Variants in TRNAU1AP observed in about 807,000 individuals in gnomAD.
The protein encoded by TRNAU1AP is tRNA selenocysteine 1 associated protein 1.
A neutral mutation model predicts 43.3 loss-of-function variants in TRNAU1AP; 33 were observed. That is an observed-to-expected ratio of 0.76 (90% CI 0.58 to 1.02). TRNAU1AP has a LOEUF of 1.02. TRNAU1AP is among the 50% of genes least tolerant of loss of function. The pLI is 0.00. For synonymous variants in TRNAU1AP, 143 were observed against 129.1 expected (o/e 1.11, Z -0.73); for missense variants, 290 against 362.7 (o/e 0.80, Z 1.63).
At chr1:28,560,776 A>G in intron 3 of TRNAU1AP, 44 bp downstream of exon 3, 1 of 1,455,690 alleles carries the variant, frequency 6.9e-7, no homozygotes, top group Non-Finnish European at 9.6e-7. Flanking sequence ...TATTATTGTC[A>G]TTGCTTACTA....
intron 8 of TRNAU1AP, chr1:28,574,558 T>C (rs1300053478): frequency 6.6e-6 from 1 of 152,042 alleles, no homozygotes; most frequent in East Asian, 1.9e-4. Flanking sequence ...TGCCCCACCA[T>C]AACTGGCTAT....
intron 1 of TRNAU1AP, chr1:28,553,410 T>A (rs2124180794): frequency 3.2e-6 from 2 of 620,628 alleles, no homozygotes; most frequent in Middle Eastern, 4.2e-4. Flanking sequence ...TGAGGCGCGC[T>A]GTTCTGGGAC....
chr1:28,564,562 CA>C (rs1168279826), intron 4 of TRNAU1AP, 140 bp from the exon 5 acceptor site: 7 of 1,009,030 alleles, frequency 6.9e-6, no homozygotes, highest in Non-Finnish European at 1.0e-5. Context: ...TCTGATGAAA[CA>C]AAGTAGGGGC....
rs567850073 is a variant in TRNAU1AP at position 28,576,371 on chromosome 1, T to C, written c.728-1129T>C. Among the ~76,000 whole-genome samples, 488 of 148,900 alleles carry C rather than the reference T, an allele frequency of 3.3e-3. 2 individuals are homozygous for C. The highest frequency in any genetic ancestry group is 0.012 in the African/African-American group (467 of 40,334). ...TCTTGCTCTGTTGCCCAGGCTGGAG[T>C]GCAATGGCGTGATCTCGGCTCACTG... On this transcript the variant is annotated intron_variant, in intron 8 of 8. Coordinates refer to ENST00000373830, the MANE Select transcript of TRNAU1AP (RefSeq NM_017846.5).
chr1:28,560,403 C>T (rs1217934677), intron 2 of TRNAU1AP, among the ~76,000 whole-genome samples: 5 of 151,876 alleles, frequency 3.3e-5, no homozygotes, highest in Non-Finnish European at 7.4e-5. Flanking sequence ...CCCTCAGTCT[C>T]CCGAGTAAGC....
Position 28,578,544 on chromosome 1 carries a change from T to A in TRNAU1AP, c.*908T>A, listed in dbSNP as rs1665872561. The A allele has an allele frequency of 8.6e-6, 3 of 347,770 alleles. No individual in the cohort carries two copies. The highest frequency in any genetic ancestry group is 4.7e-5 in the South Asian group (2 of 42,322). 21.5% of individuals were successfully genotyped at this position (347,770 alleles called of 1,614,324 possible). A position where few individuals can be genotyped will look rare whatever the true frequency, so the allele number is the denominator to read the frequency against. ...AAAAATACAAACACAAATATACTTTTATTAGTCTTTTTATTCTTCTTTTAT... is the reference window on the plus strand; with the variant it reads ...AAAAATACAAACACAAATATACTTTAATTAGTCTTTTTATTCTTCTTTTAT... On this transcript the variant is annotated 3_prime_UTR_variant, in exon 9 of 9. Transcript: ENST00000373830.
At chr1:28,553,959 A>G in intron 2 of TRNAU1AP, 1 of 439,848 alleles carries the variant, frequency 2.3e-6, no homozygotes, top group Non-Finnish European at 4.2e-6. Context: ...GCACTTTGGG[A>G]GGCTGAGGTG....
rs1665504579 is a variant in TRNAU1AP at position 28,564,956 on chromosome 1, T to C, written c.410+122T>C. 10 of 1,235,738 alleles carry C rather than the reference T, an allele frequency of 8.1e-6. No individual in the cohort carries two copies. The South Asian group carries it at 1.3e-4, about 16-fold the overall frequency. The allele number at this position is 1,235,738 out of a possible 1,614,324, so 76.5% of individuals were successfully genotyped here. On this transcript the variant is annotated intron_variant, in intron 5 of 8. Coordinates refer to ENST00000373830, the MANE Select transcript of TRNAU1AP (RefSeq NM_017846.5). Reference sequence around the variant, plus strand: ...AAGACCACAAGCTCTGGAGCCAAACTGCCTGGTTCAAATCCCAGCTCCAAT... The same window carrying C: ...AAGACCACAAGCTCTGGAGCCAAACCGCCTGGTTCAAATCCCAGCTCCAAT...
chr1:28,559,627 T>A (rs1300969431), intron 2 of TRNAU1AP, among the ~76,000 whole-genome samples: 1 of 151,752 alleles, frequency 6.6e-6, no homozygotes, highest in Non-Finnish European at 1.5e-5. Context: ...GTCATTGCAC[T>A]CCAGCCTGGG....
intron 8 of TRNAU1AP, 34 bp downstream of exon 8, chr1:28,571,934 A>G: frequency 6.3e-7 from 1 of 1,593,854 alleles, no homozygotes; most frequent in South Asian, 1.1e-5. Context: ...TCTGTCAGCC[A>G]TTATCAGGTG....
rs759256223 is a variant in TRNAU1AP at position 28,560,730 on chromosome 1, C to A, written c.223C>A (p.Pro75Thr). Residue 75 changes from proline (P) to threonine (T), a missense_variant and splice_region_variant, in exon 3 of 9, where the codon CCT (proline) becomes ACT (threonine). Pro to Thr is a conservative substitution (Grantham distance 38). Coordinates refer to ENST00000373830, the MANE Select transcript of TRNAU1AP (RefSeq NM_017846.5). ...TGGGAAACCCCTTCCAGGAGCCACA[C>A]CTGTAAGGACATTTAGATAATGATG... Reference protein sequence around the residue: ...INGKPLPGATPAKRFKLNYAT... With the variant: ...INGKPLPGATTAKRFKLNYAT... The A allele has an allele frequency of 6.2e-7, 1 of 1,609,712 alleles. No individual in the cohort carries two copies. Among genetic ancestry groups the A allele is most frequent in the South Asian group, 1.1e-5 (1 of 90,860 alleles).
At position 28,577,999 on chromosome 1, in the gene TRNAU1AP, T is replaced by C. The variant is rs1039470155; in HGVS notation, c.*363T>C. On this transcript the variant is annotated 3_prime_UTR_variant, in exon 9 of 9. Coordinates refer to ENST00000373830, the MANE Select transcript of TRNAU1AP (RefSeq NM_017846.5). ...CAGGTAGGTATGTAAATCAGGGTTC[T>C]CTGGAGTATTTGTAGGACCTGCCAT... The C allele has an allele frequency of 1.7e-5, 3 of 177,350 alleles. No individual in the cohort carries two copies. The highest frequency in any genetic ancestry group is 1.2e-4 in the Admixed American group (2 of 16,826). 11.0% of individuals were successfully genotyped at this position (177,350 alleles called of 1,614,324 possible).
chr1:28,554,606 C>G (rs545875607), intron 2 of TRNAU1AP, among the ~76,000 whole-genome samples: 1 of 151,990 alleles, frequency 6.6e-6, no homozygotes, highest in Admixed American at 6.6e-5. Flanking sequence ...CTTTGGGAGG[C>G]CGAGGCAGGC....
rs1239368939 is a variant in TRNAU1AP at position 28,567,414 on chromosome 1, G to C, written c.530+1G>C. 6.2e-7 allele frequency: 1 copy of C among 1,603,196 alleles called. No homozygotes were observed. On this transcript the variant is annotated splice_donor_variant, in intron 6 of 8. Coordinates refer to ENST00000373830, the MANE Select transcript of TRNAU1AP (RefSeq NM_017846.5). LOFTEE classifies it high-confidence loss of function. ...GGCTGAGCGTGGCAATCCCTAAAGC[G>C]TGAGTCCTGCAGGGAAGGTAGAGAG...
rs1350614145 is a variant in TRNAU1AP at position 28,577,799 on chromosome 1, T to TTGAG, written c.*165_*168dup. On this transcript the variant is annotated 3_prime_UTR_variant, in exon 9 of 9. Transcript: ENST00000373830. ...AACACTGCTGCATTCATTTGACCAT[T>TTGAG]TGAGTTTGAAGACCAAGGGAACAAC... 3.8e-6 allele frequency: 3 copies of TTGAG among 799,900 alleles called. No individual in the cohort carries two copies. The highest frequency in any genetic ancestry group is 5.7e-6 in the Non-Finnish European group (3 of 523,454). The allele number at this position is 799,900 out of a possible 1,614,324, so 49.6% of individuals were successfully genotyped here. A position where few individuals can be genotyped will look rare whatever the true frequency, so the allele number is the denominator to read the frequency against.
At chr1:28,554,508 T>G (rs958893617) in intron 2 of TRNAU1AP, among the ~76,000 whole-genome samples, 1 of 152,042 alleles carries the variant, frequency 6.6e-6, no homozygotes, top group Non-Finnish European at 1.5e-5. Flanking sequence ...ACTTCTGAGG[T>G]AGGTAAATAC....
rs1276921530 is a variant in TRNAU1AP at position 28,575,682 on chromosome 1, A to C, written c.728-1818A>C. Among the ~76,000 whole-genome samples the C allele has an allele frequency of 2.0e-5, 3 of 150,806 alleles. No individual in the cohort carries two copies. In the South Asian group the frequency reaches 6.3e-4, roughly 32 times the overall value. On this transcript the variant is annotated intron_variant, in intron 8 of 8. Coordinates refer to ENST00000373830, the MANE Select transcript of TRNAU1AP (RefSeq NM_017846.5). ...AGTCTTGCTCTGTCGCCCAGGCTGG[A>C]GTGCAGTGGCGCAATCTCGCATGCC... is the stretch of plus-strand genomic sequence containing the variant.
At chr1:28,555,370 A>G (rs986676925) in intron 2 of TRNAU1AP, among the ~76,000 whole-genome samples, 1 of 152,224 alleles carries the variant, frequency 6.6e-6, no homozygotes, top group Non-Finnish European at 1.5e-5. Flanking sequence ...ATAAGTAAAC[A>G]TAACCAAATG....
intron 7 of TRNAU1AP, 57 bp downstream of exon 7, chr1:28,571,395 G>A: frequency 1.3e-6 from 2 of 1,567,104 alleles, no homozygotes; most frequent in Non-Finnish European, 1.8e-6. Context: ...TCTAGAAACA[G>A]GTCATTCTCT....
Sources: allele counts gnomAD v4.1 joint callset (sites outside exome capture counted in the v4.1 genomes callset), GRCh38; gene constraint gnomAD v4.1.1; transcripts MANE v1.5; gene names NCBI Gene and HGNC (gene_info 2026-07-23, HGNC 2026-07-21).